Variants in AAK1 observed in about 807,000 individuals in gnomAD.
AAK1 encodes the protein AP2-associated protein kinase 1.
A neutral mutation model predicts 116.0 loss-of-function variants in AAK1; 37 were observed. The observed-to-expected ratio is 0.32, with a 90% confidence interval of 0.25 to 0.42. The LOEUF (loss-of-function observed/expected upper bound fraction) is 0.42. Ranked by LOEUF, AAK1 falls within the 10% of genes least tolerant of loss-of-function variation. The pLI, the probability that AAK1 is intolerant of heterozygous loss-of-function variation, is 1.00. For missense variants in AAK1, 919 were observed against 1,170.6 expected (o/e 0.79, Z 3.14); for synonymous variants, 458 against 439.9 (o/e 1.04, Z -0.51).
intron 9 of AAK1, 88 bp from the exon 10 acceptor site, chr2:69,525,200 G>A (rs1374255386): frequency 1.5e-6 from 2 of 1,331,714 alleles, no homozygotes; most frequent in Non-Finnish European, 2.1e-6. Flanking sequence ...GGGACTGAGA[G>A]CTGATGGAAA....
intron 2 of AAK1, among the ~76,000 whole-genome samples, chr2:69,564,563 G>A (rs1671784203): frequency 6.6e-6 from 1 of 152,148 alleles, no homozygotes; most frequent in Non-Finnish European, 1.5e-5. Flanking sequence ...CATGCCTACC[G>A]AAGGTGTAGA....
chr2:69,611,728 G>A (rs1295536212), intron 2 of AAK1, among the ~76,000 whole-genome samples: 1 of 152,202 alleles, frequency 6.6e-6, no homozygotes, highest in Non-Finnish European at 1.5e-5. Context: ...ACAACAGCCA[G>A]AAGGTAGAAG....
intron 2 of AAK1, among the ~76,000 whole-genome samples, chr2:69,622,763 A>G (rs2105241052): frequency 6.6e-6 from 1 of 152,280 alleles, no homozygotes; most frequent in Non-Finnish European, 1.5e-5. Context: ...AAACACACCA[A>G]TCAGCACCCT....
intron 2 of AAK1, among the ~76,000 whole-genome samples, chr2:69,571,693 A>T (rs913434151): frequency 2.0e-5 from 3 of 152,232 alleles, no homozygotes; most frequent in African/African-American, 7.2e-5. Context: ...TTTTTAAGAT[A>T]AGGACTAGAT....
intron 2 of AAK1, among the ~76,000 whole-genome samples, chr2:69,572,683 TGCCC>T (rs1672137638): frequency 6.7e-6 from 1 of 149,586 alleles, no homozygotes; most frequent in Non-Finnish European, 1.5e-5. Flanking sequence ...GAGTCTTGAG[TGCCC>T]CTTAAATTCT....
At chr2:69,529,798 T>TC (rs1209792156) in intron 8 of AAK1, among the ~76,000 whole-genome samples, 1 of 152,142 alleles carries the variant, frequency 6.6e-6, no homozygotes, top group African/African-American at 2.4e-5. Context: ...GTGGCTGGGC[T>TC]CAGGTGTGAA....
chr2:69,510,586 A>C (rs11681431), intron 13 of AAK1, among the ~76,000 whole-genome samples: 90 of 152,314 alleles, frequency 5.9e-4, no homozygotes, highest in Non-Finnish European at 1.1e-3. Context: ...TGCTGGGTTG[A>C]ATAGTAGTTC....
chr2:69,481,113 T>A, intron 18 of AAK1, 152 bp from the exon 19 acceptor site: 1 of 618,132 alleles, frequency 1.6e-6, no homozygotes, highest in Non-Finnish European at 2.7e-6. Context: ...TATCCCACCT[T>A]GGCCTCCCAA....
intron 16 of AAK1, among the ~76,000 whole-genome samples, chr2:69,502,118 A>T (rs910032221): frequency 6.6e-6 from 1 of 152,212 alleles, no homozygotes; most frequent in Admixed American, 6.5e-5. Flanking sequence ...CAAGAAAAAG[A>T]GGAACACAAA....
At chr2:69,576,319 A>C (rs1233828843) in intron 2 of AAK1, among the ~76,000 whole-genome samples, 2 of 151,964 alleles carry the variant, frequency 1.3e-5, no homozygotes, top group African/African-American at 4.8e-5. Flanking sequence ...TATGTTAACA[A>C]TTATGCTTGA....
At chr2:69,521,934 T>C (rs1669802824) in intron 10 of AAK1, among the ~76,000 whole-genome samples, 1 of 152,236 alleles carries the variant, frequency 6.6e-6, no homozygotes, top group South Asian at 2.1e-4. Context: ...ATGCTGGCCT[T>C]GGACTACTTA....
At chr2:69,517,829 A>G (rs1676647259) in intron 12 of AAK1, among the ~76,000 whole-genome samples, 1 of 151,822 alleles carries the variant, frequency 6.6e-6, no homozygotes, top group South Asian at 2.1e-4. Flanking sequence ...AAGGGGACTT[A>G]AAAGATATAT....
chr2:69,539,260 C>T (rs930052345), intron 5 of AAK1, among the ~76,000 whole-genome samples: 2 of 152,192 alleles, frequency 1.3e-5, no homozygotes, highest in African/African-American at 2.4e-5. Flanking sequence ...AAGACAGGGA[C>T]TGGAAAATGT....
intron 2 of AAK1, among the ~76,000 whole-genome samples, chr2:69,635,209 C>T (rs1456146540): frequency 4.6e-5 from 7 of 152,192 alleles, no homozygotes; most frequent in Non-Finnish European, 7.4e-5. Flanking sequence ...CGTGACATCA[C>T]AAATTACTAG....
At chr2:69,496,175 A>T in intron 16 of AAK1, 95 bp from the exon 17 acceptor site, 2 of 826,254 alleles carry the variant, frequency 2.4e-6, no homozygotes, top group Non-Finnish European at 3.9e-6. Flanking sequence ...CCCTCTATTA[A>T]TGCAACAGTT....
At position 69,496,273 on chromosome 2, in the gene AAK1, G is replaced by GTTTT. The variant is rs1182573863; in HGVS notation, c.2270-197_2270-194dup. On this transcript the variant is annotated intron_variant, in intron 16 of 21. Coordinates refer to ENST00000409085, the MANE Select transcript of AAK1 (RefSeq NM_014911.5). ...ATCTATGAGATACTCAATCTGGCCC[G>GTTTT]TTTTTTTTTTTTTTTTGAGACGAAG... Among the ~76,000 whole-genome samples the GTTTT allele has an allele frequency of 6.5e-4, 89 of 136,620 alleles. 1 individual carries two copies. Among genetic ancestry groups the GTTTT allele is most frequent in the East Asian group, 3.5e-3 (16 of 4,622 alleles). The allele number at this position is 136,620 out of a possible 152,430, so 89.6% of individuals were successfully genotyped here.
chr2:69,628,939 CA>C (rs1312984164), intron 2 of AAK1, among the ~76,000 whole-genome samples: 6 of 152,222 alleles, frequency 3.9e-5, no homozygotes, highest in Non-Finnish European at 8.8e-5. Context: ...ATACAGTACT[CA>C]ACTACAGGTA....
At chr2:69,616,639 G>A (rs12165157) in intron 2 of AAK1, among the ~76,000 whole-genome samples, 20,017 of 151,956 alleles carry the variant, frequency 0.13, 3,050 homozygotes, top group African/African-American at 0.36. Context: ...ACCTCCATTC[G>A]TTTGATGCCT....
chr2:69,481,733 A>G (rs1478664185), intron 18 of AAK1: 4 of 152,206 alleles, frequency 2.6e-5, no homozygotes, highest in Non-Finnish European at 5.9e-5. Context: ...CCTGCCCTGG[A>G]TTCTATTTAT....
Sources: allele counts gnomAD v4.1 joint callset (sites outside exome capture counted in the v4.1 genomes callset), GRCh38; gene constraint gnomAD v4.1.1; transcripts MANE v1.5; gene names NCBI Gene and HGNC (gene_info 2026-07-23, HGNC 2026-07-21).